The following ZCCHC7 variants were observed in gnomAD, a reference collection of about 807,000 sequenced individuals.
The protein encoded by ZCCHC7 is zinc finger CCHC-type containing 7.
ZCCHC7 carries 35 observed loss-of-function variants against 52.0 expected under a neutral mutation model. The observed-to-expected ratio is 0.67, with a 90% CI of 0.51 to 0.89. The LOEUF is 0.89. Ranked by LOEUF, ZCCHC7 falls within the 40% of genes least tolerant of loss-of-function variation. The pLI, the probability that ZCCHC7 is intolerant of heterozygous loss-of-function variation, is 0.00. For missense variants in ZCCHC7, 574 were observed against 649.1 expected, an observed-to-expected ratio of 0.88 and a Z score of 1.26; for synonymous variants, 217 against 221.5, an observed-to-expected ratio of 0.98 and a Z score of 0.18.
intron 5 of ZCCHC7, among the ~76,000 whole-genome samples, chr9:37,317,995 T>C (rs2117948793): frequency 6.6e-6 from 1 of 151,948 alleles, no homozygotes; most frequent in South Asian, 2.1e-4. Flanking sequence ...GAAAGGAAAA[T>C]AATAATACCC....
intron 2 of ZCCHC7, among the ~76,000 whole-genome samples, chr9:37,293,464 T>C (rs182430587): frequency 6.6e-6 from 1 of 152,310 alleles, no homozygotes; most frequent in African/African-American, 2.4e-5. Context: ...TAGAAACCTT[T>C]TTAAAAGTAG....
chr9:37,128,177 G>A (rs528968370), intron 2 of ZCCHC7, among the ~76,000 whole-genome samples: 6 of 152,212 alleles, frequency 3.9e-5, no homozygotes, highest in Non-Finnish European at 8.8e-5. Context: ...TGGGGGCCAG[G>A]TTAGAGATAG....
intron 2 of ZCCHC7, among the ~76,000 whole-genome samples, chr9:37,233,075 G>T (rs1224753957): frequency 2.0e-5 from 3 of 152,050 alleles, no homozygotes; most frequent in Non-Finnish European, 4.4e-5. Context: ...TATAGGTAAG[G>T]TATCCCAAGG....
upstream of ZCCHC7, among the ~76,000 whole-genome samples, chr9:37,120,235 G>C (rs1250384672): frequency 6.6e-6 from 1 of 152,198 alleles, no homozygotes; most frequent in Non-Finnish European, 1.5e-5. Flanking sequence ...CCTCATGGGG[G>C]TTGTAGTTTT....
rs994246364 is a variant in ZCCHC7 at position 37,127,194 on chromosome 9, C to G, written c.610+252C>G. On this transcript the variant is annotated intron_variant, in intron 2 of 8. Coordinates refer to ENST00000336755, the MANE Select transcript of ZCCHC7 (RefSeq NM_032226.3). Reference sequence around the variant, plus strand: ...GTAAGCAGATTCATAGCTGCTTCTTCCTGTTTGGCTAGAGCCAGTTCTGGA... The same window carrying G: ...GTAAGCAGATTCATAGCTGCTTCTTGCTGTTTGGCTAGAGCCAGTTCTGGA... 3.3e-5 allele frequency among the ~76,000 whole-genome samples: 5 copies of G among 152,314 alleles called. No individual in the cohort carries two copies. The South Asian group carries it at 1.0e-3, about 32-fold the overall frequency.
chr9:37,330,802 C>T (rs911126124), intron 6 of ZCCHC7, among the ~76,000 whole-genome samples: 4 of 151,354 alleles, frequency 2.6e-5, no homozygotes, highest in Non-Finnish European at 4.4e-5. Flanking sequence ...TCCCTTCCCC[C>T]ACCCCCTGTC....
At chr9:37,275,900 C>T (rs1439503102) in intron 2 of ZCCHC7, among the ~76,000 whole-genome samples, 1 of 152,210 alleles carries the variant, frequency 6.6e-6, no homozygotes, top group African/African-American at 2.4e-5. Flanking sequence ...ATCCGCCTGC[C>T]TCAGCCTCCC....
chr9:37,130,258 G>A (rs1264814239), intron 2 of ZCCHC7, among the ~76,000 whole-genome samples: 1 of 134,996 alleles, frequency 7.4e-6, no homozygotes. Flanking sequence ...AAAAAGATAA[G>A]TTTTAGCCTT....
chr9:37,123,375 A>G (rs752341425), intron 1 of ZCCHC7, among the ~76,000 whole-genome samples: 11 of 152,232 alleles, frequency 7.2e-5, no homozygotes, highest in Admixed American at 4.6e-4. Context: ...AACTACCTAA[A>G]TAAGAGAGCA....
At chr9:37,336,231 A>T (rs2118361101) in intron 6 of ZCCHC7, among the ~76,000 whole-genome samples, 1 of 152,314 alleles carries the variant, frequency 6.6e-6, no homozygotes, top group East Asian at 1.9e-4. Flanking sequence ...GCAGACTTCC[A>T]GCTGTATTCT....
intron 2 of ZCCHC7, among the ~76,000 whole-genome samples, chr9:37,226,818 C>T (rs1174260123): frequency 6.6e-6 from 1 of 152,092 alleles, no homozygotes; most frequent in East Asian, 1.9e-4. Context: ...ATCACGAGCT[C>T]AGGAGATCGA....
intron 2 of ZCCHC7, among the ~76,000 whole-genome samples, chr9:37,160,624 C>T (rs775497374): frequency 3.3e-5 from 5 of 152,012 alleles, no homozygotes; most frequent in Admixed American, 6.5e-5. Context: ...CAGTGGCTCA[C>T]GCCTATAATC....
At chr9:37,247,096 A>C (rs189506903) in intron 2 of ZCCHC7, among the ~76,000 whole-genome samples, 3 of 152,164 alleles carry the variant, frequency 2.0e-5, no homozygotes, top group African/African-American at 7.2e-5. Flanking sequence ...CTCTCCACCA[A>C]ACTCCTGGTA....
chr9:37,131,901 C>A (rs1192055480), intron 2 of ZCCHC7, among the ~76,000 whole-genome samples: 1 of 152,208 alleles, frequency 6.6e-6, no homozygotes, highest in Non-Finnish European at 1.5e-5. Context: ...GTAGTAAATT[C>A]ATGTCAAAAC....
intron 2 of ZCCHC7, among the ~76,000 whole-genome samples, chr9:37,271,939 G>A (rs1827437968): frequency 6.6e-6 from 1 of 152,190 alleles, no homozygotes; most frequent in African/African-American, 2.4e-5. Flanking sequence ...CAATAGTTCA[G>A]TAGAGGACAA....
intron 6 of ZCCHC7, among the ~76,000 whole-genome samples, chr9:37,339,040 G>A (rs1173079293): frequency 6.6e-6 from 1 of 152,032 alleles, no homozygotes; most frequent in Non-Finnish European, 1.5e-5. Context: ...TACATGACAT[G>A]GTTTTTTAAC....
intron 2 of ZCCHC7, among the ~76,000 whole-genome samples, chr9:37,204,160 T>G (rs1162297586): frequency 1.3e-5 from 2 of 152,218 alleles, no homozygotes; most frequent in East Asian, 3.8e-4. Context: ...GTTGTTTGTT[T>G]TTTTCTTGTA....
chr9:37,307,006 G>A (rs962890001), intron 5 of ZCCHC7, among the ~76,000 whole-genome samples: 26 of 150,320 alleles, frequency 1.7e-4, no homozygotes, highest in Non-Finnish European at 5.9e-5. Flanking sequence ...AGCTGGTCTC[G>A]AACTCCTGAC....
At chr9:37,208,668 A>G (rs1185248410) in intron 2 of ZCCHC7, among the ~76,000 whole-genome samples, 1 of 152,178 alleles carries the variant, frequency 6.6e-6, no homozygotes, top group East Asian at 1.9e-4. Context: ...CCTTTGAAAT[A>G]TACTTAGAAT....
Sources: allele counts gnomAD v4.1 joint callset (sites outside exome capture counted in the v4.1 genomes callset), GRCh38; gene constraint gnomAD v4.1.1; transcripts MANE v1.5; gene names NCBI Gene and HGNC (gene_info 2026-07-23, HGNC 2026-07-21).